The following LDAH variants were observed in gnomAD, a reference collection of about 807,000 sequenced individuals.
The protein encoded by LDAH is lipid droplet-associated hydrolase.
In LDAH, 26 loss-of-function variants were observed where a neutral mutation model predicts 29.6. The ratio of observed to expected loss-of-function variants is 0.88; its 90% confidence interval spans 0.64 to 1.22. The LOEUF (loss-of-function observed/expected upper bound fraction) is 1.22, where lower values mean the gene tolerates loss of function less well. LDAH is among the 50% of genes most tolerant of loss of function. The probability of loss-of-function intolerance (pLI) is 0.00; values close to 1 mark genes in which losing one functional copy is unlikely to be tolerated. For synonymous variants in LDAH, 117 were observed against 133.0 expected (o/e 0.88, Z 0.83); for missense variants, 344 against 387.3 (o/e 0.89, Z 0.94).
chr2:20,733,360 G>A (rs1226763866), intron 5 of LDAH, among the ~76,000 whole-genome samples: 1 of 147,390 alleles, frequency 6.8e-6, no homozygotes, highest in Non-Finnish European at 1.5e-5. Context: ...CCTGCCCAAA[G>A]AAGCTGAGAC....
chr2:20,695,729 T>C (rs921553856), intron 6 of LDAH, among the ~76,000 whole-genome samples: 1 of 152,192 alleles, frequency 6.6e-6, no homozygotes, highest in Non-Finnish European at 1.5e-5. Flanking sequence ...ATTACAGGCA[T>C]GAGCCACCGT....
Position 20,684,761 on chromosome 2 carries a change from C to G in LDAH, c.*2142G>C, listed in dbSNP as rs1198807260. On this transcript the variant is annotated 3_prime_UTR_variant, in exon 7 of 7. Transcript: ENST00000237822. Reference sequence around the variant, plus strand: ...CTCAATCGCTGAGCACTCGGTAACTCTGCAGGAAGTTAAAACTTTCACAAA... The same window carrying G: ...CTCAATCGCTGAGCACTCGGTAACTGTGCAGGAAGTTAAAACTTTCACAAA... The G allele has an allele frequency of 8.8e-7, 1 of 1,142,022 alleles. No individual in the cohort carries two copies. The highest frequency in any genetic ancestry group is 1.6e-5 in the African/African-American group (1 of 64,490). The allele number at this position is 1,142,022 out of a possible 1,614,324, so 70.7% of individuals were successfully genotyped here.
chr2:20,713,706 GAAAGCAAAAA>G (rs1664947698), intron 5 of LDAH, among the ~76,000 whole-genome samples: 1 of 151,568 alleles, frequency 6.6e-6, no homozygotes, highest in African/African-American at 2.4e-5. Context: ...CAAGCAAATG[GAAAGCAAAAA>G]AAAGCAGGGA....
chr2:20,763,998 T>C (rs924866511), intron 4 of LDAH, among the ~76,000 whole-genome samples: 42 of 151,764 alleles, frequency 2.8e-4, no homozygotes, highest in African/African-American at 9.9e-4. Context: ...GAGAAAAACA[T>C]ATTAAGTCGT....
chr2:20,729,816 G>A (rs1269587694), intron 5 of LDAH, among the ~76,000 whole-genome samples: 1 of 152,082 alleles, frequency 6.6e-6, no homozygotes, highest in Non-Finnish European at 1.5e-5. Context: ...TTTTTAAAGA[G>A]ACAGGGTCTT....
intron 6 of LDAH, among the ~76,000 whole-genome samples, chr2:20,697,245 G>A (rs868599068): frequency 6.6e-6 from 1 of 152,104 alleles, no homozygotes; most frequent in Non-Finnish European, 1.5e-5. Flanking sequence ...CAGATACAAA[G>A]AAATAATCTT....
chr2:20,788,807 A>G lies in LDAH; in HGVS notation c.298+1448T>C, dbSNP rs1670738605. The G allele has an allele frequency of 8.9e-5, 22 of 247,630 alleles. 1 individual carries two copies. In the South Asian group the frequency reaches 9.8e-4, roughly 11 times the overall value. The allele number at this position is 247,630 out of a possible 1,614,324, so 15.3% of individuals were successfully genotyped here. On this transcript the variant is annotated intron_variant, in intron 3 of 6. Coordinates refer to ENST00000237822, the MANE Select transcript of LDAH (RefSeq NM_021925.4). ...TTTGAAAGTGTCCTTCAACTCTTGGATATGCTGTACTTTTATAAAGTTATG... is the reference window on the plus strand; with the variant it reads ...TTTGAAAGTGTCCTTCAACTCTTGGGTATGCTGTACTTTTATAAAGTTATG...
At chr2:20,769,893 A>G (rs1344058369) in intron 4 of LDAH, among the ~76,000 whole-genome samples, 1 of 152,230 alleles carries the variant, frequency 6.6e-6, no homozygotes, top group Non-Finnish European at 1.5e-5. Context: ...GCAAATTAGT[A>G]GCAATAAATT....
chr2:20,685,568 G>A lies in LDAH; in HGVS notation c.*1335C>T, dbSNP rs893953205. On this transcript the variant is annotated 3_prime_UTR_variant, in exon 7 of 7. Coordinates refer to ENST00000237822, the MANE Select transcript of LDAH (RefSeq NM_021925.4). ...TTACCAATAAGTTGGCAGCAAATCA[G>A]AGCCAAATCTTTCATCAGGGGGCTT... 1 of 1,550,414 alleles carries A rather than the reference G, an allele frequency of 6.4e-7. No homozygotes were observed. Among genetic ancestry groups the A allele is most frequent in the Non-Finnish European group, 8.7e-7 (1 of 1,146,924 alleles).
chr2:20,761,943 A>G (rs542665843), intron 4 of LDAH, among the ~76,000 whole-genome samples: 2 of 151,962 alleles, frequency 1.3e-5, no homozygotes. Flanking sequence ...GAAAATTCAA[A>G]AATAAAAAAT....
intron 4 of LDAH, among the ~76,000 whole-genome samples, chr2:20,741,837 G>A (rs1667200065): frequency 1.3e-5 from 2 of 152,152 alleles, no homozygotes; most frequent in Non-Finnish European, 2.9e-5. Context: ...TCCATTGAGT[G>A]CATACACATT....
chr2:20,801,540 T>A, intron 1 of LDAH, 75 bp from the exon 2 acceptor site: 3 of 1,285,940 alleles, frequency 2.3e-6, no homozygotes, highest in Admixed American at 3.9e-5. Context: ...AATTCAAGAA[T>A]AAAAAAGGGC....
chr2:20,797,530 A>G (rs1671382322), intron 2 of LDAH, among the ~76,000 whole-genome samples: 2 of 152,106 alleles, frequency 1.3e-5, no homozygotes. Flanking sequence ...CGAGACTGTC[A>G]TGGTTTTAGT....
At chr2:20,688,671 C>G (rs965636008) in intron 6 of LDAH, among the ~76,000 whole-genome samples, 1 of 151,948 alleles carries the variant, frequency 6.6e-6, no homozygotes, top group South Asian at 2.1e-4. Flanking sequence ...AAAACAATGG[C>G]CTTCATTACA....
chr2:20,701,115 G>A (rs1663903229), intron 6 of LDAH, among the ~76,000 whole-genome samples: 1 of 152,070 alleles, frequency 6.6e-6, no homozygotes, highest in Non-Finnish European at 1.5e-5. Context: ...CCCAAATGTT[G>A]AATATTTCAC....
intron 6 of LDAH, among the ~76,000 whole-genome samples, chr2:20,691,216 CCA>C (rs1246946895): frequency 3.3e-5 from 5 of 152,168 alleles, no homozygotes; most frequent in African/African-American, 4.8e-5. Context: ...TACTCTGGGC[CCA>C]GTCTAGAGTG....
At chr2:20,689,103 C>T (rs1662808944) in intron 6 of LDAH, among the ~76,000 whole-genome samples, 2 of 151,494 alleles carry the variant, frequency 1.3e-5, no homozygotes, top group East Asian at 1.9e-4. Flanking sequence ...GTTTTCTGTT[C>T]CTGTGTCAGT....
At chr2:20,790,499 C>T (rs1168312444) in intron 2 of LDAH, 101 bp from the exon 3 acceptor site, 4 of 974,222 alleles carry the variant, frequency 4.1e-6, no homozygotes, top group Admixed American at 2.4e-5. Flanking sequence ...TCACACTTTC[C>T]TCTGAATTCT....
chr2:20,762,594 T>C (rs573782021), intron 4 of LDAH, among the ~76,000 whole-genome samples: 6 of 152,292 alleles, frequency 3.9e-5, no homozygotes, highest in Admixed American at 2.6e-4. Flanking sequence ...CCATACTCAA[T>C]ATAAACAGAC....
Sources: allele counts gnomAD v4.1 joint callset (sites outside exome capture counted in the v4.1 genomes callset), GRCh38; gene constraint gnomAD v4.1.1; transcripts MANE v1.5; gene names NCBI Gene and HGNC (gene_info 2026-07-23, HGNC 2026-07-21).